Variants in LDLRAP1 observed in about 807,000 individuals in gnomAD.
LDLRAP1 encodes the protein low density lipoprotein receptor adaptor protein 1.
LDLRAP1 carries 30 observed loss-of-function variants against 37.8 expected under a neutral mutation model. That is an observed-to-expected ratio of 0.79 (90% confidence interval 0.59 to 1.08). The LOEUF is 1.08. LDLRAP1 is among the 50% of genes least tolerant of loss of function. The pLI, the probability that LDLRAP1 is intolerant of heterozygous loss-of-function variation, is 0.00. For synonymous variants in LDLRAP1, 156 were observed against 169.8 expected, an observed-to-expected ratio of 0.92 and a Z score of 0.63; for missense variants, 375 against 401.6, an observed-to-expected ratio of 0.93 and a Z score of 0.57.
rs544408492 is a variant in LDLRAP1 at position 25,567,099 on chromosome 1, C to T, written c.*107C>T. 5.2e-6 allele frequency: 7 copies of T among 1,355,528 alleles called. No individual in the cohort carries two copies. The South Asian group carries it at 6.1e-5, about 12-fold the overall frequency. The allele number at this position is 1,355,528 out of a possible 1,614,324, so 84.0% of individuals were successfully genotyped here. ...CCCGCCTGCCACCTCTCCCAGCCCTCAGCATTGTCAGCCTGAAGATCAGAG... is the reference window on the plus strand; with the variant it reads ...CCCGCCTGCCACCTCTCCCAGCCCTTAGCATTGTCAGCCTGAAGATCAGAG... On this transcript the variant is annotated 3_prime_UTR_variant, in exon 9 of 9. Transcript: ENST00000374338.
the LDLRAP1 span, among the ~76,000 whole-genome samples, chr1:25,574,571 C>T: frequency 2.0e-5 from 3 of 152,170 alleles, no homozygotes; most frequent in African/African-American, 7.2e-5. Context: ...GTGTCGGGAG[C>T]CCTGTGGGTG....
chr1:25,565,489 C>A lies in LDLRAP1; in HGVS notation c.782+282C>A, dbSNP rs116760995. ...CGCAGTCTGAGGTGAGCGAAACACA[C>A]TGCAGCTCAAGTTGATTTCCTCCGA... On this transcript the variant is annotated intron_variant, in intron 8 of 8. Transcript: ENST00000374338. Among the ~76,000 whole-genome samples the A allele has an allele frequency of 4.7e-3, 710 of 152,022 alleles. 1 individual carries two copies. The highest frequency in any genetic ancestry group is 8.6e-3 in the Non-Finnish European group (587 of 68,014).
intron 1 of LDLRAP1, among the ~76,000 whole-genome samples, chr1:25,546,293 C>G (rs2043931841): frequency 6.6e-6 from 1 of 152,204 alleles, no homozygotes; most frequent in Admixed American, 6.5e-5. Context: ...CAGTTGTGAC[C>G]TGCTCCTCCT....
chr1:25,551,905 G>A (rs1324682188), intron 1 of LDLRAP1, among the ~76,000 whole-genome samples: 1 of 152,142 alleles, frequency 6.6e-6, no homozygotes, highest in Non-Finnish European at 1.5e-5. Flanking sequence ...GGTTCTAGAT[G>A]ACAGTCAGTA....
At position 25,566,935 on chromosome 1, in the gene LDLRAP1, C is replaced by T. The variant is rs200433841; in HGVS notation, c.870C>T (p.Val290=). The change falls in exon 9 of 9, where the codon GTC becomes GTT. Residue 290 remains valine (V), a synonymous_variant. Transcript: ENST00000374338. The part of the protein sequence containing the change: ...DMHYAQCLSP[V]DWDKPDSSGT... ...ATTACGCCCAGTGCCTCTCGCCTGT[C>T]GACTGGGACAAGCCTGACAGCAGCG... 3.9e-5 allele frequency: 63 copies of T among 1,613,602 alleles called. No individual in the cohort carries two copies. The Middle Eastern group carries it at 1.7e-3, about 42-fold the overall frequency.
the LDLRAP1 span, among the ~76,000 whole-genome samples, chr1:25,576,695 G>C: frequency 2.0e-5 from 3 of 152,226 alleles, no homozygotes; most frequent in African/African-American, 7.2e-5. Flanking sequence ...AGAAAGGAAC[G>C]GGGCCAAGAT....
chr1:25,585,709 C>G, the LDLRAP1 span, among the ~76,000 whole-genome samples: 412 of 152,296 alleles, frequency 2.7e-3, 9 homozygotes, highest in East Asian at 0.035. Flanking sequence ...TCCCAGCAGA[C>G]CCAAGGAAGG....
chr1:25,563,821 G>C (rs763453918), intron 7 of LDLRAP1, 30 bp downstream of exon 7: 6 of 1,612,886 alleles, frequency 3.7e-6, no homozygotes, highest in Non-Finnish European at 5.1e-6. Flanking sequence ...GCAGATCGGT[G>C]ATCCTCAGCC....
At chr1:25,586,569 T>C in the LDLRAP1 span, among the ~76,000 whole-genome samples, 1 of 149,390 alleles carries the variant, frequency 6.7e-6, no homozygotes, top group Non-Finnish European at 1.5e-5. This position sits in a 1 kb window ranked among gnomAD's most constrained non-coding sequence, Gnocchi z 4.3. Context: ...TACGTGCGTG[T>C]GTGTGCGTGT....
chr1:25,564,957 G>T, intron 7 of LDLRAP1: 1 of 585,568 alleles, frequency 1.7e-6, no homozygotes, highest in Admixed American at 2.8e-5. Flanking sequence ...CTGGGACATG[G>T]CCTTTCTCCT....
chr1:25,589,160 C>T, the LDLRAP1 span, among the ~76,000 whole-genome samples: 1 of 152,038 alleles, frequency 6.6e-6, no homozygotes, highest in Non-Finnish European at 1.5e-5. Context: ...CAAAATTAGC[C>T]AGGCGTGGTG....
chr1:25,549,615 A>T (rs949442713), intron 1 of LDLRAP1, among the ~76,000 whole-genome samples: 10 of 152,236 alleles, frequency 6.6e-5, no homozygotes, highest in African/African-American at 2.4e-4. Context: ...TACCCACTAC[A>T]GGGCCAAAAA....
chr1:25,580,925 G>A, the LDLRAP1 span, among the ~76,000 whole-genome samples: 23 of 152,148 alleles, frequency 1.5e-4, no homozygotes, highest in African/African-American at 4.8e-4. Context: ...GTGAGAACCC[G>A]GCAGGACACC....
intron 8 of LDLRAP1, among the ~76,000 whole-genome samples, chr1:25,565,680 A>G (rs1024285839): frequency 6.6e-6 from 1 of 152,052 alleles, no homozygotes; most frequent in African/African-American, 2.4e-5. Context: ...GTGTTTTGGT[A>G]TAGCCTTTGG....
the LDLRAP1 span, among the ~76,000 whole-genome samples, chr1:25,582,202 G>A: frequency 2.6e-5 from 4 of 152,180 alleles, no homozygotes; most frequent in South Asian, 2.1e-4. Flanking sequence ...GAGTTGGTAC[G>A]TCCTTGGCCC....
At chr1:25,587,111 G>A in the LDLRAP1 span, among the ~76,000 whole-genome samples, 20 of 152,076 alleles carry the variant, frequency 1.3e-4, no homozygotes, top group African/African-American at 2.2e-4. Flanking sequence ...CCTTGACTCC[G>A]ATCAGAAATT....
chr1:25,566,563 C>T (rs2044485778), intron 8 of LDLRAP1, among the ~76,000 whole-genome samples: 1 of 151,952 alleles, frequency 6.6e-6, no homozygotes. Flanking sequence ...CCTTTACCAG[C>T]CCCTTCTCCT....
chr1:25,573,724 T>G (rs4659356), downstream of LDLRAP1, among the ~76,000 whole-genome samples: 1 of 151,932 alleles, frequency 6.6e-6, no homozygotes, highest in Admixed American at 6.5e-5. Context: ...AGGACAGCCA[T>G]GTGAGGCCAT....
chr1:25,557,220 A>G lies in LDLRAP1; in HGVS notation c.412A>G (p.Asn138Asp). Residue 138 changes from asparagine to aspartate, a missense_variant, in exon 4 of 9, where the codon AAC (asparagine) becomes GAC (aspartate). Physicochemically the swap from Asn to Asp is conservative, Grantham distance 23. Coordinates refer to ENST00000374338, the MANE Select transcript of LDLRAP1 (RefSeq NM_015627.3). ...VFAYIAQSQHNQSLECHAFLC... is the reference protein window; with the variant it reads ...VFAYIAQSQHDQSLECHAFLC... ...TGCATACATCGCCCAGAGCCAGCAC[A>G]ACCAGAGCCTCGAGTGCCACGCCTT... 6.2e-7 allele frequency: 1 copy of G among 1,614,198 alleles called. No individual in the cohort carries two copies. Among genetic ancestry groups the G allele is most frequent in the East Asian group, 2.2e-5 (1 of 44,886 alleles).
Sources: allele counts gnomAD v4.1 joint callset (sites outside exome capture counted in the v4.1 genomes callset), GRCh38; gene constraint gnomAD v4.1.1; non-coding constraint Gnocchi (gnomAD v3.1); transcripts MANE v1.5; gene names NCBI Gene and HGNC (gene_info 2026-07-23, HGNC 2026-07-21).